CDH10: variants seen among roughly 807,000 people sequenced by gnomAD.
CDH10 encodes cadherin-10.
A neutral mutation model predicts 73.1 loss-of-function variants in CDH10; 30 were observed. That is an observed-to-expected ratio of 0.41 (90% CI 0.31 to 0.56). The LOEUF (loss-of-function observed/expected upper bound fraction) is 0.56. Among genes scored for constraint, CDH10 ranks in the 20% least tolerant of loss-of-function variants. The pLI, the probability that CDH10 is intolerant of heterozygous loss-of-function variation, is 0.27. For synonymous variants in CDH10, 345 were observed against 348.2 expected (o/e 0.99, Z 0.10); for missense variants, 815 against 973.7 (o/e 0.84, Z 2.17).
chr5:24,557,288 A>G (rs1434312136), intron 2 of CDH10, among the ~76,000 whole-genome samples: 1 of 151,602 alleles, frequency 6.6e-6, no homozygotes, highest in Non-Finnish European at 1.5e-5. Flanking sequence ...GTTTTTTTGT[A>G]ATACTTGTAT....
intron 2 of CDH10, among the ~76,000 whole-genome samples, chr5:24,562,821 TAA>T (rs77301808): frequency 3.4e-4 from 51 of 152,014 alleles, no homozygotes; most frequent in Admixed American, 5.2e-4. Context: ...TACCTTTTTT[TAA>T]AAAAACTTTG....
chr5:24,574,411 A>C (rs541162178), intron 2 of CDH10, among the ~76,000 whole-genome samples: 51 of 152,244 alleles, frequency 3.3e-4, no homozygotes, highest in African/African-American at 1.2e-3. Context: ...ATTTTACAAA[A>C]ATGGATAGTT....
chr5:24,599,014 C>A (rs750931326), intron 1 of CDH10, among the ~76,000 whole-genome samples: 1 of 152,058 alleles, frequency 6.6e-6, no homozygotes, highest in Non-Finnish European at 1.5e-5. Context: ...AAGATCCCTG[C>A]TAATAGGCTA....
chr5:24,589,495 T>A lies in CDH10; in HGVS notation c.231+3765A>T, dbSNP rs190287947. On this transcript the variant is annotated intron_variant, in intron 2 of 11. Transcript: ENST00000264463. ...GTTGCCCCTTTATGTTACTGATTTT[T>A]TTTTTTTGGTGTTTTGGGATTTTTC... 7.9e-3 allele frequency among the ~76,000 whole-genome samples: 1,199 copies of A among 152,126 alleles called. 9 individuals carry two copies. Among genetic ancestry groups the A allele is most frequent in the Non-Finnish European group, 0.013 (853 of 67,956 alleles).
At chr5:24,641,558 G>A (rs1748050202) in intron 1 of CDH10, among the ~76,000 whole-genome samples, 1 of 152,040 alleles carries the variant, frequency 6.6e-6, no homozygotes, top group Non-Finnish European at 1.5e-5. Flanking sequence ...CTGTGTAAGT[G>A]TCAAGAAAAG....
intron 1 of CDH10, among the ~76,000 whole-genome samples, chr5:24,615,846 C>A (rs2112155718): frequency 6.6e-6 from 1 of 152,300 alleles, no homozygotes; most frequent in South Asian, 2.1e-4. Flanking sequence ...TGCCTTGAGG[C>A]ATGAGGAGGT....
chr5:24,636,172 A>G (rs1286146330), intron 1 of CDH10, among the ~76,000 whole-genome samples: 1 of 151,942 alleles, frequency 6.6e-6, no homozygotes, highest in Non-Finnish European at 1.5e-5. Flanking sequence ...CACTATAGTA[A>G]TTGCTTATTT....
intron 1 of CDH10, among the ~76,000 whole-genome samples, chr5:24,633,340 G>T (rs975682936): frequency 6.6e-6 from 1 of 151,712 alleles, no homozygotes; most frequent in Admixed American, 6.6e-5. Flanking sequence ...GATATTTGGT[G>T]AATACGTATG....
chr5:24,634,426 G>C (rs548107251), intron 1 of CDH10, among the ~76,000 whole-genome samples: 3 of 151,702 alleles, frequency 2.0e-5, no homozygotes, highest in Non-Finnish European at 4.4e-5. Context: ...AATGTAAAAT[G>C]TGTGTAATAT....
At chr5:24,587,038 G>A (rs59770940) in intron 2 of CDH10, among the ~76,000 whole-genome samples, 38,019 of 149,978 alleles carry the variant, frequency 0.25, 5,141 homozygotes, top group African/African-American at 0.35. Flanking sequence ...TAGAGACGGG[G>A]TTTCATCGTG....
At chr5:24,497,031 A>G (rs1015443234) in intron 9 of CDH10, among the ~76,000 whole-genome samples, 14 of 152,080 alleles carry the variant, frequency 9.2e-5, no homozygotes, top group African/African-American at 2.9e-4. Context: ...TTCCCTTTTT[A>G]TTGAAATCAT....
rs562465344 is a variant in CDH10 at position 24,516,858 on chromosome 5, G to T, written c.815-5344C>A. 1.1e-4 allele frequency among the ~76,000 whole-genome samples: 17 copies of T among 150,716 alleles called. No individual in the cohort carries two copies. The South Asian group carries it at 3.6e-3, about 31-fold the overall frequency. ...TGCCTGGTTGCTTCTGCTTGAGAAAGAACCATAATTGTTTCATATAGTGCA... is the reference window on the plus strand; with the variant it reads ...TGCCTGGTTGCTTCTGCTTGAGAAATAACCATAATTGTTTCATATAGTGCA... On this transcript the variant is annotated intron_variant, in intron 5 of 11. Coordinates refer to ENST00000264463, the MANE Select transcript of CDH10 (RefSeq NM_006727.5).
chr5:24,493,932 A>G (rs1174914023), intron 9 of CDH10, among the ~76,000 whole-genome samples: 2 of 151,958 alleles, frequency 1.3e-5, no homozygotes, highest in East Asian at 3.8e-4. Flanking sequence ...CAAGAAATAA[A>G]GAAATTATTA....
At chr5:24,573,424 G>A (rs911492866) in intron 2 of CDH10, among the ~76,000 whole-genome samples, 23 of 151,906 alleles carry the variant, frequency 1.5e-4, no homozygotes, top group Non-Finnish European at 2.6e-4. Flanking sequence ...AAAGCAGGCC[G>A]GGCGCGGTGG....
chr5:24,556,818 A>C (rs2111973403), intron 2 of CDH10, among the ~76,000 whole-genome samples: 1 of 151,942 alleles, frequency 6.6e-6, no homozygotes, highest in Non-Finnish European at 1.5e-5. Context: ...ATATATAATA[A>C]AGTTAATTGA....
At chr5:24,505,019 G>T in intron 8 of CDH10, 93 bp downstream of exon 8, 1 of 880,670 alleles carries the variant, frequency 1.1e-6, no homozygotes, top group Non-Finnish European at 1.7e-6. Flanking sequence ...TATTTTTAAT[G>T]TAAAATAAAA....
At chr5:24,530,459 T>C (rs1579767000) in intron 5 of CDH10, among the ~76,000 whole-genome samples, 1 of 152,148 alleles carries the variant, frequency 6.6e-6, no homozygotes, top group African/African-American at 2.4e-5. Context: ...TTCTATTTTT[T>C]ATGATTTTAG....
chr5:24,633,533 A>C (rs1010071008), intron 1 of CDH10, among the ~76,000 whole-genome samples: 6 of 151,898 alleles, frequency 4.0e-5, no homozygotes, highest in Non-Finnish European at 5.9e-5. Context: ...TGCAAAAATA[A>C]CAATAATTCA....
chr5:24,493,133 CT>C (rs1435580065), intron 9 of CDH10, among the ~76,000 whole-genome samples: 3 of 151,766 alleles, frequency 2.0e-5, no homozygotes, highest in East Asian at 1.9e-4. Context: ...GGATCATACC[CT>C]TTACTTCAAA....
Sources: allele counts gnomAD v4.1 joint callset (sites outside exome capture counted in the v4.1 genomes callset), GRCh38; gene constraint gnomAD v4.1.1; transcripts MANE v1.5; gene names NCBI Gene and HGNC (gene_info 2026-07-23, HGNC 2026-07-21).